SH3BGRL: variants seen among roughly 807,000 people sequenced by gnomAD.
SH3BGRL encodes SH3 domain binding glutamate rich protein like.
Under a neutral mutation model 9.8 loss-of-function variants are expected in SH3BGRL, and 7 were observed. That is an observed-to-expected ratio of 0.72 (90% CI 0.41 to 1.35). SH3BGRL has a LOEUF of 1.35. Ranked by LOEUF, SH3BGRL falls within the 40% of genes most tolerant of loss-of-function variation. The probability of loss-of-function intolerance (pLI) is 0.01; values close to 1 mark genes in which losing one functional copy is unlikely to be tolerated. For synonymous variants in SH3BGRL, 36 were observed against 29.1 expected (o/e 1.24, Z -0.76); for missense variants, 73 against 84.4 (o/e 0.86, Z 0.53).
intron 3 of SH3BGRL, among the ~76,000 whole-genome samples, chrX:81,288,832 T>A (rs748124988): frequency 4.5e-5 from 5 of 111,326 alleles, no homozygotes; most frequent in African/African-American, 1.6e-4. Flanking sequence ...ATTGAAATAA[T>A]CAATACATTA....
intron 1 of SH3BGRL, among the ~76,000 whole-genome samples, chrX:81,270,374 G>C (rs1268263665): frequency 2.7e-5 from 3 of 111,788 alleles, no homozygotes; most frequent in East Asian, 5.6e-4. Context: ...TTTGGTCTTT[G>C]ATGTTGCTGA....
At chrX:81,294,435 C>CAAGCCCT (rs35196577) in intron 3 of SH3BGRL, among the ~76,000 whole-genome samples, 6 of 110,715 alleles carry the variant, frequency 5.4e-5, no homozygotes, top group African/African-American at 2.0e-4. Flanking sequence ...GCACAAGCCC[C>CAAGCCCT]AAGCCCTGGC....
chrX:81,234,168 C>T (rs906978832), intron 1 of SH3BGRL, among the ~76,000 whole-genome samples: 1 of 111,264 alleles, frequency 9.0e-6, no homozygotes, highest in Non-Finnish European at 1.9e-5. Context: ...CTTTATTGGC[C>T]CTTTCTAAAT....
intron 3 of SH3BGRL, among the ~76,000 whole-genome samples, chrX:81,286,792 A>G (rs374979643): frequency 2.0e-4 from 22 of 111,578 alleles, no homozygotes; most frequent in East Asian, 8.5e-4. Context: ...GGAAGAGAAC[A>G]TTATATGCTT....
chrX:81,250,931 C>T (rs1382806095), intron 1 of SH3BGRL, among the ~76,000 whole-genome samples: 1 of 111,304 alleles, frequency 9.0e-6, no homozygotes, highest in South Asian at 3.8e-4. Context: ...TTCATAAATA[C>T]ACCATCAGGT....
intron 1 of SH3BGRL, among the ~76,000 whole-genome samples, chrX:81,269,432 C>G (rs760127508): frequency 1.8e-5 from 2 of 111,743 alleles, no homozygotes; most frequent in South Asian, 7.5e-4. Flanking sequence ...AATCTCTCAG[C>G]ATTTGCTTGT....
chrX:81,202,478 C>G, intron 1 of SH3BGRL: 2 of 986,735 alleles, frequency 2.0e-6, no homozygotes, highest in Non-Finnish European at 2.5e-6. Context: ...GGGCACATTT[C>G]TGCTTTGAAG....
chrX:81,289,109 A>G (rs1344036157), intron 3 of SH3BGRL, among the ~76,000 whole-genome samples: 1 of 112,154 alleles, frequency 8.9e-6, no homozygotes, highest in Non-Finnish European at 1.9e-5. Context: ...TAGAGAACCC[A>G]GAAACAAATC....
chrX:81,273,403 A>C (rs1169273077), intron 1 of SH3BGRL, among the ~76,000 whole-genome samples: 2 of 112,273 alleles, frequency 1.8e-5, no homozygotes, highest in Admixed American at 1.9e-4. Flanking sequence ...AATCTCTCCC[A>C]ATAGATTGTA....
intron 1 of SH3BGRL, among the ~76,000 whole-genome samples, chrX:81,236,349 T>G (rs2075647840): frequency 9.0e-6 from 1 of 111,591 alleles, no homozygotes; most frequent in Non-Finnish European, 1.9e-5. Flanking sequence ...TATTAACGGG[T>G]ACCTACAATC....
chrX:81,297,320 T>G lies in SH3BGRL; in HGVS notation c.*93T>G, dbSNP rs2075878638. On this transcript the variant is annotated 3_prime_UTR_variant, in exon 4 of 4. Transcript: ENST00000373212. ...TAGCTTTGCTTCAAAAGAAATAGGC[T>G]TAATGTTGAAATAATAGATTAGTTG... 18 of 695,582 alleles carry G rather than the reference T, an allele frequency of 2.6e-5. No homozygotes were observed. The East Asian group carries it at 6.3e-4, about 24-fold the overall frequency. 57.3% of individuals were successfully genotyped at this position (695,582 alleles called of 1,213,427 possible).
intron 3 of SH3BGRL, among the ~76,000 whole-genome samples, chrX:81,287,703 G>A (rs768622280): frequency 1.8e-5 from 2 of 110,243 alleles, no homozygotes; most frequent in African/African-American, 6.6e-5. Flanking sequence ...CTTAATATAG[G>A]TGACGGGTTG....
At chrX:81,232,923 T>A (rs1270539107) in intron 1 of SH3BGRL, among the ~76,000 whole-genome samples, 1 of 111,863 alleles carries the variant, frequency 8.9e-6, no homozygotes, top group Non-Finnish European at 1.9e-5. Context: ...TTTTTATTTT[T>A]AAAACTTTTT....
chrX:81,276,751 A>G (rs913914460), intron 1 of SH3BGRL, among the ~76,000 whole-genome samples: 2 of 111,241 alleles, frequency 1.8e-5, no homozygotes, highest in African/African-American at 6.6e-5. Context: ...TAAATAATGA[A>G]AATTTTCAAT....
At chrX:81,291,340 G>C (rs1438220302) in intron 3 of SH3BGRL, among the ~76,000 whole-genome samples, 1 of 110,760 alleles carries the variant, frequency 9.0e-6, no homozygotes, top group African/African-American at 3.3e-5. Flanking sequence ...AGGCAAAGGG[G>C]AAGCAAGCAC....
At chrX:81,226,649 C>T (rs1203321130) in intron 1 of SH3BGRL, among the ~76,000 whole-genome samples, 1 of 102,951 alleles carries the variant, frequency 9.7e-6, no homozygotes, top group African/African-American at 3.5e-5. Flanking sequence ...TTAAGGTGGG[C>T]CCTAAATGTA....
chrX:81,286,775 A>C (rs2075835995), intron 3 of SH3BGRL, among the ~76,000 whole-genome samples: 1 of 111,398 alleles, frequency 9.0e-6, no homozygotes, highest in Non-Finnish European at 1.9e-5. Context: ...TACATTGGGA[A>C]TACGGAGGAA....
At chrX:81,221,632 A>G (rs944990520) in intron 1 of SH3BGRL, among the ~76,000 whole-genome samples, 1 of 111,836 alleles carries the variant, frequency 8.9e-6, no homozygotes, top group Non-Finnish European at 1.9e-5. Flanking sequence ...GTTAATAAGC[A>G]TAAGAATCCA....
intron 1 of SH3BGRL, among the ~76,000 whole-genome samples, chrX:81,222,052 A>T (rs889444789): frequency 3.6e-5 from 4 of 112,458 alleles, no homozygotes; most frequent in Non-Finnish European, 7.5e-5. Flanking sequence ...CCAAGGAAAG[A>T]AATATACAAC....
Sources: allele counts gnomAD v4.1 joint callset (sites outside exome capture counted in the v4.1 genomes callset), GRCh38; gene constraint gnomAD v4.1.1; transcripts MANE v1.5; gene names NCBI Gene and HGNC (gene_info 2026-07-23, HGNC 2026-07-21).